PUDP: variants seen among roughly 807,000 people sequenced by gnomAD.
PUDP encodes the protein pseudouridine-5'-phosphatase.
PUDP carries 8 observed loss-of-function variants against 9.4 expected under a neutral mutation model. The observed-to-expected ratio is 0.85, with a 90% CI of 0.50 to 1.53. The LOEUF (loss-of-function observed/expected upper bound fraction) is 1.53, where lower values mean the gene tolerates loss of function less well. PUDP is among the 40% of genes most tolerant of loss of function. The probability of loss-of-function intolerance (pLI) is 0.00; values close to 1 mark genes in which losing one functional copy is unlikely to be tolerated. For synonymous variants in PUDP, 99 were observed against 80.7 expected (o/e 1.23, Z -1.22); for missense variants, 188 against 189.7 (o/e 0.99, Z 0.05).
At chrX:6,897,354 T>C (rs1256934717) in intron 3 of PUDP, among the ~76,000 whole-genome samples, 1 of 111,954 alleles carries the variant, frequency 8.9e-6, no homozygotes, top group Non-Finnish European at 1.9e-5. Flanking sequence ...TGGAGTAGAC[T>C]CCAAAATCTC....
At chrX:6,887,177 ATATT>A (rs1316916259) in intron 3 of PUDP, among the ~76,000 whole-genome samples, 9 of 105,688 alleles carry the variant, frequency 8.5e-5, no homozygotes, top group Non-Finnish European at 1.4e-4. Context: ...ATAATTAAAT[ATATT>A]TATTTATAAT....
intron 3 of PUDP, among the ~76,000 whole-genome samples, chrX:6,739,086 G>A (rs1465816217): frequency 9.0e-6 from 1 of 111,586 alleles, no homozygotes; most frequent in Non-Finnish European, 1.9e-5. Flanking sequence ...ACAACTATTT[G>A]CATGTTCTTT....
chrX:6,978,345 TAA>T (rs35150022), intron 1 of PUDP, among the ~76,000 whole-genome samples: 3 of 89,112 alleles, frequency 3.4e-5, no homozygotes, highest in Non-Finnish European at 7.2e-5. Context: ...ATGTTCTTTC[TAA>T]AAAAAGAGAG....
intron 3 of PUDP, among the ~76,000 whole-genome samples, chrX:6,834,428 T>C (rs1351714532): frequency 9.0e-6 from 1 of 111,541 alleles, no homozygotes; most frequent in African/African-American, 3.3e-5. Flanking sequence ...AGTTAAATTT[T>C]GCCTAGCCTC....
chrX:7,026,291 A>G (rs1929708548), intron 1 of PUDP, among the ~76,000 whole-genome samples: 2 of 111,276 alleles, frequency 1.8e-5, no homozygotes, highest in Admixed American at 1.9e-4. Context: ...TGCAAAGCAG[A>G]CCCATTATCA....
chrX:6,820,095 A>C (rs1926315969), intron 3 of PUDP, among the ~76,000 whole-genome samples: 1 of 109,574 alleles, frequency 9.1e-6, no homozygotes, highest in Non-Finnish European at 1.9e-5. Flanking sequence ...CAGGAGGCAA[A>C]AGGCACTTCT....
intron 1 of PUDP, among the ~76,000 whole-genome samples, chrX:7,108,279 G>T (rs1186059168): frequency 4.5e-5 from 5 of 112,253 alleles, no homozygotes; most frequent in Admixed American, 3.7e-4. Flanking sequence ...TGTGGACTTT[G>T]CCTCTGTGCA....
chrX:6,821,279 A>G (rs1926337980), intron 3 of PUDP, among the ~76,000 whole-genome samples: 1 of 111,816 alleles, frequency 8.9e-6, no homozygotes, highest in Non-Finnish European at 1.9e-5. Flanking sequence ...AGACAGGAAC[A>G]GGAGAGACAC....
intron 2 of PUDP, among the ~76,000 whole-genome samples, chrX:7,091,768 T>C (rs1931429177): frequency 2.7e-5 from 3 of 112,365 alleles, no homozygotes; most frequent in African/African-American, 9.7e-5. Context: ...GAAAGCTGCT[T>C]ACAGTACTAA....
chrX:6,939,218 T>C (rs994219563), intron 3 of PUDP, among the ~76,000 whole-genome samples: 2 of 109,704 alleles, frequency 1.8e-5, no homozygotes, highest in Non-Finnish European at 3.8e-5. Context: ...TCTGTGAGAA[T>C]CCTTAAAGGA....
intron 3 of PUDP, among the ~76,000 whole-genome samples, chrX:6,969,520 C>G (rs1051636578): frequency 5.3e-5 from 6 of 112,425 alleles, no homozygotes; most frequent in Non-Finnish European, 1.9e-5. Flanking sequence ...AGGACACAAC[C>G]TATTGTGTCT....
intron 3 of PUDP, among the ~76,000 whole-genome samples, chrX:6,955,353 T>C (rs1230562206): frequency 3.6e-5 from 4 of 110,908 alleles, no homozygotes; most frequent in Non-Finnish European, 7.6e-5. Context: ...CCCATGCAGC[T>C]GGGACTACAG....
chrX:6,791,556 A>T (rs923564446), intron 3 of PUDP, among the ~76,000 whole-genome samples: 2 of 111,357 alleles, frequency 1.8e-5, no homozygotes, highest in African/African-American at 6.5e-5. Flanking sequence ...AAAGTAGAAG[A>T]GGGAGACGGG....
intron 3 of PUDP, among the ~76,000 whole-genome samples, chrX:6,813,668 C>T (rs1248413194): frequency 9.0e-6 from 1 of 111,626 alleles, no homozygotes; most frequent in Non-Finnish European, 1.9e-5. Context: ...AGTCCGCATC[C>T]TCTCAGCACC....
At chrX:6,860,034 C>T (rs1398411775) in intron 3 of PUDP, among the ~76,000 whole-genome samples, 2 of 112,154 alleles carry the variant, frequency 1.8e-5, no homozygotes, top group East Asian at 5.6e-4. Context: ...TGTTATAAAC[C>T]CTATTTTGCA....
chrX:7,094,508 C>T (rs1292087456), intron 2 of PUDP, among the ~76,000 whole-genome samples: 1 of 110,446 alleles, frequency 9.1e-6, no homozygotes, highest in East Asian at 2.9e-4. Flanking sequence ...AGGCGCCTGC[C>T]ACCACACCCG....
At chrX:6,743,190 T>C (rs1924959957) in intron 3 of PUDP, among the ~76,000 whole-genome samples, 1 of 112,245 alleles carries the variant, frequency 8.9e-6, no homozygotes, top group Non-Finnish European at 1.9e-5. Context: ...TTTGCTCTGT[T>C]CTTATTGCAG....
chrX:7,091,049 C>T (rs1931406452), intron 2 of PUDP, among the ~76,000 whole-genome samples: 1 of 112,148 alleles, frequency 8.9e-6, no homozygotes, highest in Non-Finnish European at 1.9e-5. Context: ...AGAAGTGGCA[C>T]TGAACACTTC....
At chrX:6,758,378 G>A (rs73188688) in intron 3 of PUDP, among the ~76,000 whole-genome samples, 1,936 of 111,123 alleles carry the variant, frequency 0.017, 21 homozygotes, top group Middle Eastern at 0.042. Flanking sequence ...TGGGAGGATC[G>A]TTTGAGCCCA....
Sources: allele counts gnomAD v4.1 joint callset (sites outside exome capture counted in the v4.1 genomes callset), GRCh38; gene constraint gnomAD v4.1.1; transcripts MANE v1.5; gene names NCBI Gene and HGNC (gene_info 2026-07-23, HGNC 2026-07-21).